Variants in NDUFAF6 observed in about 807,000 individuals in gnomAD.
NDUFAF6 encodes NADH:ubiquinone oxidoreductase complex assembly factor 6, also known as NADH dehydrogenase (ubiquinone) complex I, assembly factor 6.
A neutral mutation model predicts 40.8 loss-of-function variants in NDUFAF6; 45 were observed. The ratio of observed to expected loss-of-function variants is 1.10; its 90% CI spans 0.87 to 1.42. The LOEUF is 1.42. NDUFAF6 is among the 40% of genes most tolerant of loss of function. The pLI is 0.00. For synonymous variants in NDUFAF6, 185 were observed against 155.9 expected (o/e 1.19, Z -1.39); for missense variants, 435 against 418.5 (o/e 1.04, Z -0.34).
intron 1 of NDUFAF6, among the ~76,000 whole-genome samples, chr8:94,906,998 A>G (rs549790031): frequency 6.6e-6 from 1 of 152,284 alleles, no homozygotes; most frequent in African/African-American, 2.4e-5. Context: ...TTCAGTTGAA[A>G]CTACGTGTCT....
At position 95,058,650 on chromosome 8, in the gene NDUFAF6, T is replaced by A. The variant is rs1832469472; in HGVS notation, c.*713T>A. The A allele has an allele frequency of 9.2e-7, 1 of 1,085,898 alleles. No homozygotes were observed. Among genetic ancestry groups the A allele is most frequent in the African/African-American group, 1.6e-5 (1 of 61,008 alleles). 67.3% of individuals were successfully genotyped at this position (1,085,898 alleles called of 1,614,324 possible). A position where few individuals can be genotyped will look rare whatever the true frequency, so the allele number is the denominator to read the frequency against. On this transcript the variant is annotated 3_prime_UTR_variant, in exon 9 of 9. Transcript: ENST00000396124. ...CGTGAACAAAATTGTACTGAGAAAG[T>A]TTGTATAAGTGATATGAACGGTATT...
chr8:95,092,813 T>C (rs1809305730), intron 2 of NDUFAF6, among the ~76,000 whole-genome samples: 2 of 152,218 alleles, frequency 1.3e-5, no homozygotes, highest in African/African-American at 2.4e-5. Flanking sequence ...CTTGATCTCC[T>C]GACCTCATGA....
chr8:95,105,733 T>C (rs2132081154), downstream of NDUFAF6, among the ~76,000 whole-genome samples: 1 of 152,012 alleles, frequency 6.6e-6, no homozygotes, highest in Non-Finnish European at 1.5e-5. Context: ...GAACTCCTGA[T>C]CACGTGATCT....
chr8:94,912,632 T>TA lies in NDUFAF6; in HGVS notation c.-936+16717dup, dbSNP rs567408916. Among the ~76,000 whole-genome samples the TA allele has an allele frequency of 8.6e-3, 1,215 of 141,120 alleles. 14 individuals carry two copies. Among genetic ancestry groups the TA allele is most frequent in the African/African-American group, 0.02 (782 of 38,532 alleles). 92.6% of individuals were successfully genotyped at this position (141,120 alleles called of 152,430 possible). A position where few individuals can be genotyped will look rare whatever the true frequency, so the allele number is the denominator to read the frequency against. On this transcript the variant is annotated intron_variant, in intron 1 of 14. Coordinates refer to the NDUFAF6 transcript ENST00000396113. ...TGATACAGTGAAACCCTGTCTCTAC[T>TA]AAAAAAAAAAAAGAAAGAAAAATAC...
intron 2 of NDUFAF6, among the ~76,000 whole-genome samples, chr8:94,994,195 A>G (rs1826316556): frequency 6.6e-6 from 1 of 152,138 alleles, no homozygotes; most frequent in African/African-American, 2.4e-5. Context: ...GTTAGAAATG[A>G]CCAATGTGTG....
intron 1 of NDUFAF6, among the ~76,000 whole-genome samples, chr8:94,911,749 A>G (rs1459963673): frequency 2.0e-5 from 3 of 152,190 alleles, no homozygotes; most frequent in Non-Finnish European, 4.4e-5. Flanking sequence ...GTTCAAGCTC[A>G]CCTGGATCAT....
At chr8:95,045,776 G>C in intron 5 of NDUFAF6, 129 bp downstream of exon 5, 3 of 663,014 alleles carry the variant, frequency 4.5e-6, no homozygotes, top group Non-Finnish European at 7.8e-6. Flanking sequence ...TAAAGGAACA[G>C]TTTTTTTTGT....
intron 1 of NDUFAF6, among the ~76,000 whole-genome samples, chr8:94,902,841 G>A (rs1213637814): frequency 2.0e-5 from 3 of 151,524 alleles, no homozygotes; most frequent in Non-Finnish European, 4.4e-5. Context: ...GATTACAGGC[G>A]CCCACCACCA....
chr8:94,977,356 T>G lies in NDUFAF6; in HGVS notation c.-198-3503T>G, dbSNP rs527702785. ...AAGAGAGCCTATCCTTACAAAAAAT[T>G]TTTTTTAATTAGCTGGGTGTGGTGG... On this transcript the variant is annotated intron_variant, in intron 1 of 9. Transcript: ENST00000396111. 9.3e-5 allele frequency among the ~76,000 whole-genome samples: 14 copies of G among 151,156 alleles called. No individual in the cohort carries two copies. The East Asian group carries it at 2.7e-3, about 30-fold the overall frequency.
chr8:95,039,143 AT>A (rs1220481732), intron 3 of NDUFAF6, among the ~76,000 whole-genome samples: 97 of 145,110 alleles, frequency 6.7e-4, no homozygotes, highest in Admixed American at 8.3e-4. Flanking sequence ...TGCCTGGCTA[AT>A]TTTTTTTTTT....
intron 4 of NDUFAF6, among the ~76,000 whole-genome samples, chr8:95,112,191 A>G (rs995845731): frequency 3.3e-5 from 5 of 152,206 alleles, no homozygotes; most frequent in Non-Finnish European, 7.3e-5. Flanking sequence ...TTTGTATGTA[A>G]TTGTAATGGG....
intron 9 of NDUFAF6, among the ~76,000 whole-genome samples, chr8:95,065,703 A>G (rs1260368225): frequency 7.6e-6 from 1 of 132,050 alleles, no homozygotes; most frequent in African/African-American, 2.5e-5. Context: ...CCACCATCCC[A>G]TGGAATATTC....
chr8:94,996,390 C>G (rs533134852), intron 2 of NDUFAF6, among the ~76,000 whole-genome samples: 7 of 152,188 alleles, frequency 4.6e-5, no homozygotes, highest in African/African-American at 7.2e-5. Context: ...ACCTGAGTCT[C>G]TTATTGCTGT....
At chr8:95,005,389 C>T (rs1355598209) in intron 2 of NDUFAF6, among the ~76,000 whole-genome samples, 1 of 151,692 alleles carries the variant, frequency 6.6e-6, no homozygotes, top group African/African-American at 2.4e-5. Context: ...CCTGGAATAC[C>T]ACAGCAGATT....
chr8:94,896,769 T>G (rs900986592), intron 1 of NDUFAF6: 2 of 152,136 alleles, frequency 1.3e-5, no homozygotes, highest in Non-Finnish European at 2.9e-5. Context: ...CGAGCGCGCT[T>G]GAGGCCCGGG....
chr8:94,932,179 G>A, intron 1 of NDUFAF6: 2 of 1,512,184 alleles, frequency 1.3e-6, no homozygotes, highest in East Asian at 4.6e-5. Context: ...TTACTATTAG[G>A]ACGTGGTCAA....
intron 1 of NDUFAF6, among the ~76,000 whole-genome samples, chr8:94,966,033 G>A (rs763704362): frequency 2.0e-5 from 3 of 152,162 alleles, no homozygotes; most frequent in African/African-American, 7.2e-5. Context: ...TGTAACCCAC[G>A]CTTTGCTCCC....
At chr8:95,005,557 A>AT (rs1826940667) in intron 2 of NDUFAF6, among the ~76,000 whole-genome samples, 2 of 141,012 alleles carry the variant, frequency 1.4e-5, no homozygotes, top group Admixed American at 7.0e-5. Context: ...ATATATAAAA[A>AT]ATATATTAAC....
downstream of NDUFAF6, among the ~76,000 whole-genome samples, chr8:95,117,599 C>A (rs937606914): frequency 6.6e-6 from 1 of 152,156 alleles, no homozygotes; most frequent in African/African-American, 2.4e-5. Flanking sequence ...ACAGATATTA[C>A]CAGTGTTCAC....
Sources: gnomAD v4.1 joint callset for allele counts (sites outside exome capture counted in the v4.1 genomes callset) on GRCh38, gnomAD v4.1.1 for gene constraint, MANE v1.5 for transcripts, NCBI Gene and HGNC (gene_info 2026-07-23, HGNC 2026-07-21) for gene names.